The following TET2 variants were observed in gnomAD, a reference collection of about 807,000 sequenced individuals.
The protein encoded by TET2 is tet methylcytosine dioxygenase 2, also known as methylcytosine dioxygenase TET2.
Under a neutral mutation model 142.9 loss-of-function variants are expected in TET2, and 299 were observed. The ratio of observed to expected loss-of-function variants is 2.09; its 90% CI spans 1.90 to 2.30. The LOEUF is 2.30. TET2 is among the 30% of genes most tolerant of loss of function. The probability of loss-of-function intolerance (pLI) is 0.00; values close to 1 mark genes in which losing one functional copy is unlikely to be tolerated. For missense variants in TET2, 2,418 were observed against 2,378.0 expected (o/e 1.02, Z -0.35); for synonymous variants, 819 against 849.0 (o/e 0.96, Z 0.61).
intron 2 of TET2, among the ~76,000 whole-genome samples, chr4:105,231,713 A>G (rs1348699238): frequency 6.6e-6 from 1 of 152,228 alleles, no homozygotes; most frequent in Non-Finnish European, 1.5e-5. Flanking sequence ...CCCAAAAAGA[A>G]AATAGTCTTT....
chr4:105,164,276 A>C (rs1363743584), intron 1 of TET2, among the ~76,000 whole-genome samples: 1 of 152,194 alleles, frequency 6.6e-6, no homozygotes, highest in African/African-American at 2.4e-5. Flanking sequence ...TATAAGTGAG[A>C]TCATGCAATA....
rs577686706 is a variant in TET2, at chr4:105,222,743, G to T, written c.-46-11154G>T. Among the ~76,000 whole-genome samples the T allele has an allele frequency of 3.3e-3, 505 of 151,982 alleles. 1 individual carries two copies. The highest frequency in any genetic ancestry group is 0.011 in the African/African-American group (474 of 41,414). On this transcript the variant is annotated intron_variant, in intron 2 of 10. Transcript: ENST00000380013. ...AATTAGATCCCATTTGTCAATTTTG[G>T]CTTTTGTTGCCATTGCTTTTGGTGT... is the stretch of plus-strand genomic sequence containing the variant.
At chr4:105,247,714 CTTTTTTT>C (rs1206510081) in intron 6 of TET2, among the ~76,000 whole-genome samples, 110 of 65,320 alleles carry the variant, frequency 1.7e-3, no homozygotes, top group African/African-American at 5.9e-3. Context: ...TTTTTCTTTT[CTTTTTTT>C]TTTTTTTTTT....
Position 105,198,084 on chromosome 4 carries a change from C to G in TET2, c.-47+7579C>G, listed in dbSNP as rs1726194823. The stretch of plus-strand genomic sequence containing the variant: ...AGGTGAGGTAGCTCACTCCTGTAAT[C>G]CCAGCAATTTGGGAGGCCGAGGCGG... On this transcript the variant is annotated intron_variant, in intron 2 of 10. Transcript: ENST00000380013. Among the ~76,000 whole-genome samples, 3 of 152,100 alleles carry G rather than the reference C, an allele frequency of 2.0e-5. 1 individual carries two copies. The South Asian group carries it at 6.2e-4, about 31-fold the overall frequency.
chr4:105,273,450 T>C (rs372235866), intron 10 of TET2, among the ~76,000 whole-genome samples: 32 of 152,184 alleles, frequency 2.1e-4, no homozygotes, highest in African/African-American at 6.8e-4. Context: ...AGCTAATAGT[T>C]TGGAGATAAA....
At chr4:105,157,539 G>C (rs976902516) in intron 1 of TET2, among the ~76,000 whole-genome samples, 1 of 152,094 alleles carries the variant, frequency 6.6e-6, no homozygotes, top group Non-Finnish European at 1.5e-5. Flanking sequence ...GAAAAACACT[G>C]GCAGAAAGCA....
At chr4:105,151,286 G>A (rs1723286444) in intron 1 of TET2, among the ~76,000 whole-genome samples, 1 of 152,042 alleles carries the variant, frequency 6.6e-6, no homozygotes, top group African/African-American at 2.4e-5. Flanking sequence ...ACACCACTGC[G>A]CTCCAGCCCA....
rs113848280 is a variant in TET2 at position 105,275,868 on chromosome 4, G to A, written c.5358G>A (p.Glu1786=). The A allele has an allele frequency of 4.4e-5, 69 of 1,551,988 alleles. No individual in the cohort carries two copies. The African/African-American group carries it at 5.7e-4, about 13-fold the overall frequency. ...SLHALHLQNK[E]NDMLSHTANG... is the part of the protein sequence containing the mutation. ...ATGCCCTGCATCTCCAAAACAAGGA[G>A]AATGACATGCTTTCCCACACAGCTA... Residue 1786 remains glutamate, a synonymous_variant, in exon 11 of 11, where the codon GAG becomes GAA. Transcript: ENST00000380013.
chr4:105,193,117 A>G (rs751677152), intron 2 of TET2, among the ~76,000 whole-genome samples: 1 of 152,200 alleles, frequency 6.6e-6, no homozygotes, highest in Non-Finnish European at 1.5e-5. Flanking sequence ...CATCTGGACT[A>G]TAACAGAGGA....
At chr4:105,167,924 A>G (rs1724250994) in intron 1 of TET2, among the ~76,000 whole-genome samples, 1 of 152,202 alleles carries the variant, frequency 6.6e-6, no homozygotes, top group African/African-American at 2.4e-5. Context: ...TGAAGGAAAC[A>G]CTAGAAACAA....
At chr4:105,256,725 G>A (rs4464576) in intron 6 of TET2, among the ~76,000 whole-genome samples, 26,627 of 151,968 alleles carry the variant, frequency 0.18, 2,536 homozygotes, top group Middle Eastern at 0.25. Flanking sequence ...CCTGCATTAT[G>A]TCTATGTTGG....
At chr4:105,274,852 G>C (rs1368432899) in intron 10 of TET2, among the ~76,000 whole-genome samples, 196 bp from the exon 11 acceptor site, 1 of 151,896 alleles carries the variant, frequency 6.6e-6, no homozygotes, top group South Asian at 2.1e-4. Context: ...ACTAAGTTTT[G>C]TATTTCTAAT....
Position 105,234,446 on chromosome 4 carries a change from A to G in TET2, c.504A>G (p.Thr168=). Residue 168 remains threonine (T), a synonymous_variant, in exon 3 of 11, where the codon ACA becomes ACG. Transcript: ENST00000380013. ...NAVKDFTSFS[T]HNCSGPENPE... The stretch of plus-strand genomic sequence containing the variant: ...TTAAAGATTTCACCAGTTTTTCAAC[A>G]CATAACTGCAGTGGGCCTGAAAATC... 1 of 1,613,998 alleles carries G rather than the reference A, an allele frequency of 6.2e-7. No individual in the cohort carries two copies. The highest frequency in any genetic ancestry group is 2.2e-5 in the East Asian group (1 of 44,838).
At chr4:105,199,080 G>C (rs1164632343) in intron 2 of TET2, among the ~76,000 whole-genome samples, 1 of 152,120 alleles carries the variant, frequency 6.6e-6, no homozygotes, top group Non-Finnish European at 1.5e-5. Flanking sequence ...ATGTTTTACT[G>C]TAGAAAGAGA....
chr4:105,206,924 A>T (rs1400908474), intron 2 of TET2, among the ~76,000 whole-genome samples: 8 of 152,188 alleles, frequency 5.3e-5, no homozygotes, highest in Non-Finnish European at 7.3e-5. Context: ...TCAAGAAGAG[A>T]GAATAAATTA....
chr4:105,160,286 T>G (rs1723783778), intron 1 of TET2, among the ~76,000 whole-genome samples: 1 of 152,302 alleles, frequency 6.6e-6, no homozygotes, highest in East Asian at 1.9e-4. Flanking sequence ...CCCAAATTGA[T>G]TTTTAGAGCT....
At chr4:105,155,763 C>T (rs1424304889) in intron 1 of TET2, among the ~76,000 whole-genome samples, 1 of 152,186 alleles carries the variant, frequency 6.6e-6, no homozygotes, top group Non-Finnish European at 1.5e-5. Context: ...ATTTAAGGTA[C>T]ACATGTGATT....
intron 8 of TET2, 96 bp from the exon 9 acceptor site, chr4:105,269,512 CAT>C (rs2110299929): frequency 7.7e-7 from 1 of 1,306,382 alleles, no homozygotes; most frequent in Admixed American, 2.5e-5. Context: ...AAGTTCAAAA[CAT>C]TTTTTTAAAG....
At chr4:105,147,686 T>C (rs185062988) in intron 1 of TET2, 1 of 152,172 alleles carries the variant, frequency 6.6e-6, no homozygotes, top group Non-Finnish European at 1.5e-5. Context: ...TCAAGGTACA[T>C]AAGTCAGCGC....
Sources: allele counts gnomAD v4.1 joint callset (sites outside exome capture counted in the v4.1 genomes callset), GRCh38; gene constraint gnomAD v4.1.1; transcripts MANE v1.5; gene names NCBI Gene and HGNC (gene_info 2026-07-23, HGNC 2026-07-21).